SPATA21: variants seen among roughly 807,000 people sequenced by gnomAD.
SPATA21 encodes the protein spermatogenesis associated 21, also known as spermatogenesis-associated protein 21.
A neutral mutation model predicts 54.8 loss-of-function variants in SPATA21; 47 were observed. The ratio of observed to expected loss-of-function variants is 0.86; its 90% CI spans 0.68 to 1.09. The LOEUF (loss-of-function observed/expected upper bound fraction) is 1.09. Ranked by LOEUF, SPATA21 falls within the 50% of genes least tolerant of loss-of-function variation. SPATA21 has a pLI of 0.00. For synonymous variants in SPATA21, 245 were observed against 235.3 expected (o/e 1.04, Z -0.38); for missense variants, 599 against 596.4 (o/e 1.00, Z -0.05).
chr1:16,427,832 G>T, intron 3 of SPATA21: 1 of 1,533,432 alleles, frequency 6.5e-7, no homozygotes, highest in Non-Finnish European at 8.8e-7. Context: ...GTTCTCTCTT[G>T]GACCTGTTCT....
intron 3 of SPATA21, among the ~76,000 whole-genome samples, chr1:16,426,016 G>A (rs2086308448): frequency 6.6e-6 from 1 of 151,774 alleles, no homozygotes; most frequent in Non-Finnish European, 1.5e-5. Context: ...CCAAAGTGCT[G>A]GGATTAGAGG....
intron 3 of SPATA21, among the ~76,000 whole-genome samples, chr1:16,430,533 T>C (rs1055177239): frequency 6.6e-6 from 1 of 152,036 alleles, no homozygotes; most frequent in Non-Finnish European, 1.5e-5. Context: ...GGGAGGGGCA[T>C]GGAGGGAAGC....
At chr1:16,401,323 C>G (rs1391350842) in intron 10 of SPATA21, among the ~76,000 whole-genome samples, 1 of 152,164 alleles carries the variant, frequency 6.6e-6, no homozygotes, top group Non-Finnish European at 1.5e-5. Flanking sequence ...GAGACAGAGT[C>G]TCACTCTGTT....
chr1:16,404,953 C>T lies in SPATA21; in HGVS notation c.811+14G>A. 2 of 1,556,228 alleles carry T rather than the reference C, an allele frequency of 1.3e-6. No individual in the cohort carries two copies. Among genetic ancestry groups the T allele is most frequent in the Non-Finnish European group, 1.7e-6 (2 of 1,157,040 alleles). On this transcript the variant is annotated intron_variant, in intron 8 of 12. Transcript: ENST00000335496. ...CCCTGCCTGGGATGCAGAGTGGAGC[C>T]CTCTGCCACTCACCATTGACATCAG...
rs557621687 is a variant in SPATA21, at chr1:16,400,688, C to A, written c.1174+32G>T. On this transcript the variant is annotated intron_variant, in intron 11 of 12. Coordinates refer to ENST00000335496, the MANE Select transcript of SPATA21 (RefSeq NM_198546.1). ...TGGGCAAGAGAGCAAAGCCCCAACC[C>A]TAGCCCATCCCACCCTGCCCAGGGC... 5.0e-6 allele frequency: 8 copies of A among 1,592,146 alleles called. No homozygotes were observed. The South Asian group carries it at 9.0e-5, about 18-fold the overall frequency.
At chr1:16,424,236 C>G (rs1192583482) in intron 3 of SPATA21, among the ~76,000 whole-genome samples, 1 of 954 alleles carries the variant, frequency 1.0e-3, no homozygotes, top group Admixed American at 0.012. Flanking sequence ...TGGCATGAAC[C>G]TGGGAGGCAG....
Position 16,418,310 on chromosome 1 carries a change from C to T in SPATA21, c.144+3199G>A, listed in dbSNP as rs868418692. ...TTTTTGAGATGGAGTCTCGCTCTGTCGCCCAGGCCGGAGTGCAGTGGCGTG... is the reference window on the plus strand; with the variant it reads ...TTTTTGAGATGGAGTCTCGCTCTGTTGCCCAGGCCGGAGTGCAGTGGCGTG... On this transcript the variant is annotated intron_variant, in intron 5 of 12. Coordinates refer to ENST00000335496, the MANE Select transcript of SPATA21 (RefSeq NM_198546.1). 2.8e-4 allele frequency among the ~76,000 whole-genome samples: 43 copies of T among 152,138 alleles called. 1 individual carries two copies. The Middle Eastern group carries it at 0.017, about 60-fold the overall frequency.
chr1:16,409,100 T>G lies in SPATA21; in HGVS notation c.673+18A>C. 1 of 1,613,514 alleles carries G rather than the reference T, an allele frequency of 6.2e-7. No homozygotes were observed. Among genetic ancestry groups the G allele is most frequent in the South Asian group, 1.1e-5 (1 of 91,070 alleles). The stretch of plus-strand genomic sequence containing the variant: ...GGTCCTGCCTGTGCTGGGACCTCCC[T>G]GACCTCCCTGCCCTCACCTTCCTCT... On this transcript the variant is annotated intron_variant, in intron 7 of 12. Coordinates refer to ENST00000335496, the MANE Select transcript of SPATA21 (RefSeq NM_198546.1). This position sits in a 1 kb window ranked among gnomAD's most constrained non-coding sequence, Gnocchi z 4.1.
intron 5 of SPATA21, among the ~76,000 whole-genome samples, chr1:16,419,725 A>T (rs1013536113): frequency 1.3e-5 from 2 of 152,180 alleles, no homozygotes; most frequent in African/African-American, 4.8e-5. Context: ...GGATCACCGG[A>T]GGTAAGGAGT....
At position 16,409,897 on chromosome 1, in the gene SPATA21, G is replaced by A. The variant is rs199794113; in HGVS notation, c.291C>T (p.Ala97=). 161 of 1,613,562 alleles carry A rather than the reference G, an allele frequency of 1.0e-4. No homozygotes were observed. Among genetic ancestry groups the A allele is most frequent in the Non-Finnish European group, 1.3e-4 (158 of 1,179,796 alleles). ...KCLLEVEKME[A]SHRRASKARS... ...GGGCCTTCGAGGCTCTCCGATGGGA[G>A]GCCTCCATTTTCTCCACCTCCAGCA... is the stretch of plus-strand genomic sequence containing the variant. The change falls in exon 6 of 13, where the codon GCC becomes GCT. Residue 97 remains alanine, a synonymous_variant. Transcript: ENST00000335496. The surrounding 1 kb of genome is among the most constrained non-coding windows in gnomAD (Gnocchi z 4.1).
chr1:16,404,894 T>C (rs1178190880), intron 8 of SPATA21, 73 bp downstream of exon 8: 9 of 1,443,840 alleles, frequency 6.2e-6, no homozygotes, highest in Non-Finnish European at 8.2e-6. Flanking sequence ...CAGAGCCTCA[T>C]GCAACTGCAC....
At chr1:16,410,184 A>C (rs1376913852) in intron 5 of SPATA21, 141 bp from the exon 6 acceptor site, 2 of 665,262 alleles carry the variant, frequency 3.0e-6, no homozygotes, top group African/African-American at 3.7e-5. Context: ...CAAATCTCAC[A>C]TGCACCCCAC....
chr1:16,425,575 C>G, intron 3 of SPATA21: 1 of 1,549,962 alleles, frequency 6.5e-7, no homozygotes, highest in Non-Finnish European at 8.7e-7. Context: ...TCCGTTGCCT[C>G]CCCTGCTGGC....
rs369179159 is a variant in SPATA21 at position 16,409,087 on chromosome 1, G to T, written c.673+31C>A. On this transcript the variant is annotated intron_variant, in intron 7 of 12. Transcript: ENST00000335496. This position sits in a 1 kb window ranked among gnomAD's most constrained non-coding sequence, Gnocchi z 4.1. Reference sequence around the variant, plus strand: ...CCCAAGGACCAAGGGTCCTGCCTGTGCTGGGACCTCCCTGACCTCCCTGCC... The same window carrying T: ...CCCAAGGACCAAGGGTCCTGCCTGTTCTGGGACCTCCCTGACCTCCCTGCC... The T allele has an allele frequency of 6.2e-7, 1 of 1,611,522 alleles. No individual in the cohort carries two copies. Among genetic ancestry groups the T allele is most frequent in the Non-Finnish European group, 8.5e-7 (1 of 1,177,862 alleles).
At chr1:16,400,267 T>C (rs1309230971) in intron 11 of SPATA21, among the ~76,000 whole-genome samples, 11 of 152,154 alleles carry the variant, frequency 7.2e-5, no homozygotes, top group Non-Finnish European at 1.6e-4. Flanking sequence ...TCCGCCCACC[T>C]CGGCCTCCCA....
intron 5 of SPATA21, among the ~76,000 whole-genome samples, chr1:16,414,181 T>A (rs1459946964): frequency 6.6e-6 from 1 of 152,052 alleles, no homozygotes; most frequent in East Asian, 1.9e-4. Flanking sequence ...TTCTCGTGCC[T>A]CAGCCTCCCG....
intron 5 of SPATA21, among the ~76,000 whole-genome samples, chr1:16,417,228 G>A (rs1368518570): frequency 1.3e-5 from 2 of 151,948 alleles, no homozygotes; most frequent in Non-Finnish European, 2.9e-5. Flanking sequence ...CTTTCCTTGT[G>A]ATGGGTCTGC....
rs188231889 is a variant in SPATA21, at chr1:16,412,611, T to C, written c.145-2568A>G. 6.6e-4 allele frequency among the ~76,000 whole-genome samples: 100 copies of C among 151,652 alleles called. 1 individual carries two copies. The highest frequency in any genetic ancestry group is 2.4e-3 in the African/African-American group (98 of 41,338). ...CCAAGTAGCTGGGATCACAGGTGTG[T>C]ACCACCATGCCCGGCTAATTTTTGT... is the stretch of plus-strand genomic sequence containing the variant. On this transcript the variant is annotated intron_variant, in intron 5 of 12. Coordinates refer to ENST00000335496, the MANE Select transcript of SPATA21 (RefSeq NM_198546.1).
At chr1:16,410,800 C>T in intron 5 of SPATA21, 1 of 393,690 alleles carries the variant, frequency 2.5e-6, no homozygotes, top group Non-Finnish European at 5.2e-6. Flanking sequence ...TCCGCCTTGG[C>T]CTCCCAAAGT....
Sources: gnomAD v4.1 joint callset for allele counts (sites outside exome capture counted in the v4.1 genomes callset) on GRCh38, gnomAD v4.1.1 for gene constraint, Gnocchi (gnomAD v3.1) non-coding constraint, MANE v1.5 for transcripts, NCBI Gene and HGNC (gene_info 2026-07-23, HGNC 2026-07-21) for gene names.